Variants in ARFGEF3 observed in about 807,000 individuals in gnomAD.
The protein encoded by ARFGEF3 is brefeldin A-inhibited guanine nucleotide-exchange protein 3.
In ARFGEF3, 96 loss-of-function variants were observed where a neutral mutation model predicts 221.7. That is an observed-to-expected ratio of 0.43 (90% CI 0.37 to 0.51). ARFGEF3 has a LOEUF of 0.51. ARFGEF3 is among the 20% of genes least tolerant of loss of function. The pLI is 0.00. For missense variants in ARFGEF3, 2,410 were observed against 2,789.9 expected, an observed-to-expected ratio of 0.86 and a Z score of 3.07; for synonymous variants, 1,145 against 1,126.8, an observed-to-expected ratio of 1.02 and a Z score of -0.32.
rs373827643 is a variant in ARFGEF3 at position 138,335,290 on chromosome 6, A to C, written c.6342+102A>C. The stretch of plus-strand genomic sequence containing the variant: ...GCATACACAGGCTAAGATTTATAGA[A>C]ACAGGTAGGGGGTATGAACCGATTT... On this transcript the variant is annotated intron_variant, in intron 33 of 33. Transcript: ENST00000251691. 164 of 1,213,854 alleles carry C rather than the reference A, an allele frequency of 1.4e-4. 1 individual carries two copies. In the East Asian group the frequency reaches 3.7e-3, roughly 28 times the overall value. 75.2% of individuals were successfully genotyped at this position (1,213,854 alleles called of 1,614,324 possible). A position where few individuals can be genotyped will look rare whatever the true frequency, so the allele number is the denominator to read the frequency against.
intron 13 of ARFGEF3, 95 bp downstream of exon 13, chr6:138,278,712 G>GT: frequency 1.5e-6 from 2 of 1,373,014 alleles, no homozygotes; most frequent in South Asian, 2.6e-5. Flanking sequence ...ATGGCACAGC[G>GT]TGTTTTGTTC....
intron 12 of ARFGEF3, among the ~76,000 whole-genome samples, chr6:138,277,807 G>A (rs1404997968): frequency 6.6e-6 from 1 of 152,186 alleles, no homozygotes; most frequent in South Asian, 2.1e-4. Flanking sequence ...AAATGCCATC[G>A]AGGCCATTTT....
At position 138,291,759 on chromosome 6, in the gene ARFGEF3, A is replaced by G; in HGVS notation, c.3074A>G (p.Glu1025Gly). The G allele has an allele frequency of 7.0e-7, 1 of 1,438,694 alleles. No homozygotes were observed. The highest frequency in any genetic ancestry group is 9.2e-7 in the Non-Finnish European group (1 of 1,092,754). The allele number at this position is 1,438,694 out of a possible 1,614,324, so 89.1% of individuals were successfully genotyped here. Residue 1025 changes from glutamate (E) to glycine (G), a missense_variant, in exon 19 of 34, where the codon GAG becomes GGG. Physicochemically the swap from Glu to Gly is moderately conservative, Grantham distance 98 (BLOSUM62 -2). Around this residue, in one of 5 missense-constraint regions of ARFGEF3, gnomAD observed 594 missense variants for 734.3 expected, o/e 0.81. Transcript: ENST00000251691. This position sits in a 1 kb window ranked among gnomAD's most constrained non-coding sequence, Gnocchi z 4.5. ...GTGTGTGAATACGTGGGCACCCTGG[A>G]GCACAACCACTTCAGCGATGGTGCC... ...FRVCEYVGTL[E>G]HNHFSDGASQ...
intron 28 of ARFGEF3, among the ~76,000 whole-genome samples, chr6:138,320,728 CA>C (rs1157246239): frequency 6.6e-6 from 1 of 152,156 alleles, no homozygotes; most frequent in Non-Finnish European, 1.5e-5. Context: ...TGAAAGAAAA[CA>C]AGTGAGTTTT....
In ARFGEF3 at chr6:138,249,203, A is replaced by G. The variant is rs9484135; in HGVS notation, c.665+3612A>G. Among the ~76,000 whole-genome samples, 988 of 152,378 alleles carry G rather than the reference A, an allele frequency of 6.5e-3. 12 individuals carry two copies. Among genetic ancestry groups the G allele is most frequent in the African/African-American group, 0.022 (932 of 41,582 alleles). ...GATTGTTAGGAAAATGCATTGTACA[A>G]ACAAACACTGCAAATGCACACACAT... On this transcript the variant is annotated intron_variant, in intron 8 of 33. Coordinates refer to ENST00000251691, the MANE Select transcript of ARFGEF3 (RefSeq NM_020340.5).
intron 32 of ARFGEF3, among the ~76,000 whole-genome samples, chr6:138,332,633 G>T (rs1780247719): frequency 6.6e-6 from 1 of 152,100 alleles, no homozygotes; most frequent in Admixed American, 6.5e-5. Flanking sequence ...TGTTTAATGG[G>T]TACCAAGTAA....
At chr6:138,184,543 G>A (rs1777145926) in intron 2 of ARFGEF3, among the ~76,000 whole-genome samples, 1 of 152,208 alleles carries the variant, frequency 6.6e-6, no homozygotes, top group Admixed American at 6.5e-5. Context: ...ATGAGACTAT[G>A]GATTTAAGTA....
chr6:138,298,642 G>C lies in ARFGEF3; in HGVS notation c.3685G>C (p.Ala1229Pro). ...TAAGGAAAGACATGTGTCTCAGAAGGCTGTTTCCTTCATCCATGACATACT... is the reference window on the plus strand; with the variant it reads ...TAAGGAAAGACATGTGTCTCAGAAGCCTGTTTCCTTCATCCATGACATACT... Reference protein sequence around the residue: ...CHKERHVSQKAVSFIHDILTE... With the variant: ...CHKERHVSQKPVSFIHDILTE... The change falls in exon 22 of 34, where the codon GCT becomes CCT. Residue 1229 changes from alanine to proline, a missense_variant. Transcript: ENST00000251691. 1 of 1,613,284 alleles carries C rather than the reference G, an allele frequency of 6.2e-7. No homozygotes were observed. The highest frequency in any genetic ancestry group is 1.1e-5 in the South Asian group (1 of 90,824).
chr6:138,284,238 G>C (rs1019703712), intron 14 of ARFGEF3, among the ~76,000 whole-genome samples: 5 of 152,154 alleles, frequency 3.3e-5, no homozygotes, highest in African/African-American at 1.2e-4. Context: ...CTGGGAGGTG[G>C]AAGTTGCAGT....
chr6:138,171,065 C>T (rs1311377389), intron 2 of ARFGEF3, among the ~76,000 whole-genome samples: 1 of 148,652 alleles, frequency 6.7e-6, no homozygotes, highest in Non-Finnish European at 1.5e-5. Context: ...GCAGAGCCCT[C>T]ATGGCCAGAT....
intron 2 of ARFGEF3, among the ~76,000 whole-genome samples, chr6:138,184,489 G>C (rs1777143924): frequency 6.6e-6 from 1 of 152,188 alleles, no homozygotes; most frequent in African/African-American, 2.4e-5. Flanking sequence ...GTTTCAAAGT[G>C]TGATGTTAGA....
intron 25 of ARFGEF3, among the ~76,000 whole-genome samples, chr6:138,311,731 T>C (rs865901172): frequency 4.1e-4 from 62 of 152,198 alleles, no homozygotes; most frequent in African/African-American, 1.5e-3. Context: ...TGCTGAGGTC[T>C]CTGAAACTTT....
rs553432992 is a variant in ARFGEF3 at position 138,291,160 on chromosome 6, G to C, written c.3048-573G>C. Among the ~76,000 whole-genome samples the C allele has an allele frequency of 6.6e-6, 1 of 152,130 alleles. No individual in the cohort carries two copies. The highest frequency in any genetic ancestry group is 1.5e-5 in the Non-Finnish European group (1 of 68,030). On this transcript the variant is annotated intron_variant, in intron 18 of 33. Coordinates refer to ENST00000251691, the MANE Select transcript of ARFGEF3 (RefSeq NM_020340.5). This position sits in a 1 kb window ranked among gnomAD's most constrained non-coding sequence, Gnocchi z 4.5. ...GTAGCACATGTGGTGACCCTTCTCT[G>C]TGTCTGCCATAATTCGGTGACTGCC...
intron 2 of ARFGEF3, among the ~76,000 whole-genome samples, chr6:138,205,797 G>A (rs1007729818): frequency 6.6e-6 from 1 of 152,212 alleles, no homozygotes; most frequent in African/African-American, 2.4e-5. Flanking sequence ...GGGTTAGGAA[G>A]GCAAACATTT....
At position 138,310,556 on chromosome 6, in the gene ARFGEF3, T is replaced by G. The variant is rs1404832696; in HGVS notation, c.4097-851T>G. Among the ~76,000 whole-genome samples, 2 of 143,264 alleles carry G rather than the reference T, an allele frequency of 1.4e-5. 1 individual carries two copies. The highest frequency in any genetic ancestry group is 3.1e-5 in the Non-Finnish European group (2 of 63,736). The allele number at this position is 143,264 out of a possible 152,430, so 94.0% of individuals were successfully genotyped here. On this transcript the variant is annotated intron_variant, in intron 24 of 33. Transcript: ENST00000251691. ...TCGAAAACCTAAGAAATGTTTTTTG[T>G]TTTTTTTAAGGAGAAACATGCCTCT...
intron 10 of ARFGEF3, among the ~76,000 whole-genome samples, chr6:138,260,729 G>A (rs1173497101): frequency 6.6e-6 from 1 of 151,878 alleles, no homozygotes; most frequent in Non-Finnish European, 1.5e-5. Context: ...AAAATGTTAG[G>A]ACTGAACAGA....
chr6:138,266,042 C>A (rs994673351), intron 12 of ARFGEF3, among the ~76,000 whole-genome samples: 1 of 151,968 alleles, frequency 6.6e-6, no homozygotes, highest in Non-Finnish European at 1.5e-5. Context: ...ATAGGGAGAA[C>A]CTTTCTCTAC....
rs765524399 is a variant in ARFGEF3, at chr6:138,334,528, C to T, written c.5682C>T (p.Asn1894=). The change falls in exon 33 of 34, where the codon AAC becomes AAT. Residue 1894 remains asparagine (N), a synonymous_variant. Transcript: ENST00000251691. This position sits in a 1 kb window ranked among gnomAD's most constrained non-coding sequence, Gnocchi z 5.1. The part of the protein sequence containing the change: ...MPLLSVQPVS[N]ADWVWLVKRL... ...TGCTCAGCGTCCAGCCTGTCAGCAA[C>T]GCAGATTGGGTGTGGCTGGTCAAGA... 1.5e-5 allele frequency: 25 copies of T among 1,613,108 alleles called. No homozygotes were observed. Among genetic ancestry groups the T allele is most frequent in the South Asian group, 1.2e-4 (11 of 91,010 alleles).
At chr6:138,314,247 G>A (rs1032736516) in intron 26 of ARFGEF3, among the ~76,000 whole-genome samples, 2 of 152,114 alleles carry the variant, frequency 1.3e-5, no homozygotes, top group Non-Finnish European at 2.9e-5. Flanking sequence ...GTCATGCTTT[G>A]ATCAGGAACC....
Sources: gnomAD v4.1 joint callset for allele counts (sites outside exome capture counted in the v4.1 genomes callset) on GRCh38, gnomAD v4.1.1 for gene constraint, gnomAD v4.1.1 regional missense constraint, Gnocchi (gnomAD v3.1) non-coding constraint, MANE v1.5 for transcripts, NCBI Gene and HGNC (gene_info 2026-07-23, HGNC 2026-07-21) for gene names.